The following GRIA4 variants were observed in gnomAD, a reference collection of about 807,000 sequenced individuals.
GRIA4 encodes glutamate ionotropic receptor AMPA type subunit 4, also known as glutamate receptor 4.
Under a neutral mutation model 104.0 loss-of-function variants are expected in GRIA4, and 34 were observed. The ratio of observed to expected loss-of-function variants is 0.33; its 90% confidence interval spans 0.25 to 0.44. GRIA4 has a LOEUF of 0.44. GRIA4 is among the 20% of genes least tolerant of loss of function. The probability of loss-of-function intolerance (pLI) is 1.00; values close to 1 mark genes in which losing one functional copy is unlikely to be tolerated. For synonymous variants in GRIA4, 386 were observed against 381.9 expected (o/e 1.01, Z -0.13); for missense variants, 750 against 1,096.5 (o/e 0.68, Z 4.46).
chr11:105,631,250 G>A (rs377250076), intron 3 of GRIA4, among the ~76,000 whole-genome samples: 83 of 152,200 alleles, frequency 5.5e-4, no homozygotes, highest in African/African-American at 1.8e-3. Context: ...AGCCAGCCCC[G>A]CTGGGGCTAG....
At chr11:105,859,445 T>C (rs542311469) in intron 4 of GRIA4, among the ~76,000 whole-genome samples, 5 of 152,342 alleles carry the variant, frequency 3.3e-5, no homozygotes, top group African/African-American at 1.2e-4. Flanking sequence ...AATCAGATAA[T>C]GGAAGGCTGG....
Position 105,781,264 on chromosome 11 carries a change from T to C in GRIA4, c.487+28044T>C, listed in dbSNP as rs76691083. Among the ~76,000 whole-genome samples, 1,443 of 152,252 alleles carry C rather than the reference T, an allele frequency of 9.5e-3. 30 individuals carry two copies. The highest frequency in any genetic ancestry group is 0.033 in the African/African-American group (1,375 of 41,558). Reference sequence around the variant, plus strand: ...TCCCCCAGGACCCCATTCTGTCATATTGTTTCCCTGGTGTGTCTACAGGCC... The same window carrying C: ...TCCCCCAGGACCCCATTCTGTCATACTGTTTCCCTGGTGTGTCTACAGGCC... On this transcript the variant is annotated intron_variant, in intron 4 of 16. Coordinates refer to ENST00000282499, the MANE Select transcript of GRIA4 (RefSeq NM_000829.4).
intron 4 of GRIA4, among the ~76,000 whole-genome samples, chr11:105,788,075 C>T (rs983025166): frequency 6.6e-6 from 1 of 151,934 alleles, no homozygotes; most frequent in African/African-American, 2.4e-5. Flanking sequence ...AAATAATGTT[C>T]AATTAGAAAA....
intron 3 of GRIA4, among the ~76,000 whole-genome samples, chr11:105,732,486 G>A (rs1591160781): frequency 6.6e-6 from 1 of 152,214 alleles, no homozygotes; most frequent in Non-Finnish European, 1.5e-5. Flanking sequence ...GGAGAAGTGT[G>A]GTCTGCTGTG....
chr11:105,859,383 T>A (rs1945134676), intron 4 of GRIA4, among the ~76,000 whole-genome samples: 1 of 152,220 alleles, frequency 6.6e-6, no homozygotes, highest in African/African-American at 2.4e-5. Context: ...ACAAAGATTG[T>A]GTCCTAGGGT....
intron 3 of GRIA4, among the ~76,000 whole-genome samples, chr11:105,737,002 T>C (rs1938997903): frequency 6.6e-6 from 1 of 152,126 alleles, no homozygotes. Context: ...TAATAAATCA[T>C]GGTTTAATAT....
At chr11:105,833,808 AT>A (rs1241299438) in intron 4 of GRIA4, among the ~76,000 whole-genome samples, 15 of 151,930 alleles carry the variant, frequency 9.9e-5, no homozygotes, top group African/African-American at 3.4e-4. Flanking sequence ...TCTCCTACCT[AT>A]CCACAACCAT....
chr11:105,690,379 C>T (rs1953040818), intron 3 of GRIA4, among the ~76,000 whole-genome samples: 1 of 152,174 alleles, frequency 6.6e-6, no homozygotes, highest in African/African-American at 2.4e-5. Context: ...AGTGTTTGGA[C>T]AAACTTAATA....
intron 4 of GRIA4, among the ~76,000 whole-genome samples, chr11:105,760,485 A>G (rs971936123): frequency 6.6e-6 from 1 of 152,104 alleles, no homozygotes; most frequent in African/African-American, 2.4e-5. Context: ...TTCCTTAGTG[A>G]CCTATAATTT....
chr11:105,755,913 G>A (rs1940284263), intron 4 of GRIA4, among the ~76,000 whole-genome samples: 1 of 152,110 alleles, frequency 6.6e-6, no homozygotes, highest in Non-Finnish European at 1.5e-5. Context: ...TCAGTCCTTA[G>A]GACTTGGACT....
intron 3 of GRIA4, among the ~76,000 whole-genome samples, chr11:105,748,238 T>A (rs1043898679): frequency 2.0e-5 from 3 of 152,188 alleles, no homozygotes; most frequent in Non-Finnish European, 4.4e-5. Flanking sequence ...TGGAACTTAG[T>A]TATGGCTGAG....
At chr11:105,668,136 T>C (rs928248149) in intron 3 of GRIA4, among the ~76,000 whole-genome samples, 12 of 150,102 alleles carry the variant, frequency 8.0e-5, no homozygotes, top group African/African-American at 2.9e-4. Flanking sequence ...TCCAAGTTCA[T>C]CCATATTGTT....
intron 9 of GRIA4, 87 bp downstream of exon 9, chr11:105,905,388 G>A (rs1947008561): frequency 1.4e-6 from 1 of 715,086 alleles, no homozygotes; most frequent in Non-Finnish European, 2.5e-6. Flanking sequence ...AAAGATGGCT[G>A]AACATTTCCT....
At chr11:105,625,923 C>T (rs763343572) in intron 3 of GRIA4, among the ~76,000 whole-genome samples, 3 of 151,922 alleles carry the variant, frequency 2.0e-5, no homozygotes, top group Admixed American at 6.6e-5. Flanking sequence ...ACATCTAGAC[C>T]GTCCTCAATC....
At chr11:105,959,717 T>C (rs553211751) in intron 14 of GRIA4, among the ~76,000 whole-genome samples, 6 of 152,344 alleles carry the variant, frequency 3.9e-5, no homozygotes, top group African/African-American at 1.4e-4. Flanking sequence ...TTTTCATTGA[T>C]TCTTTCTCAT....
At chr11:105,966,294 A>G (rs1329636195) in intron 14 of GRIA4, among the ~76,000 whole-genome samples, 1 of 152,248 alleles carries the variant, frequency 6.6e-6, no homozygotes, top group African/African-American at 2.4e-5. Context: ...CCTTTGAAGA[A>G]GTTGTGGATC....
intron 3 of GRIA4, among the ~76,000 whole-genome samples, chr11:105,734,601 A>G (rs1184967817): frequency 2.0e-5 from 3 of 152,144 alleles, no homozygotes; most frequent in African/African-American, 7.2e-5. Context: ...GGGATACTTA[A>G]CACTGTTCTC....
intron 11 of GRIA4, among the ~76,000 whole-genome samples, chr11:105,921,304 TGG>T (rs201374327): frequency 8.9e-5 from 12 of 135,474 alleles, no homozygotes; most frequent in South Asian, 2.5e-4. Context: ...CTACCACACT[TGG>T]GTGTGTGTGT....
At chr11:105,675,196 A>G (rs1952497786) in intron 3 of GRIA4, among the ~76,000 whole-genome samples, 2 of 151,810 alleles carry the variant, frequency 1.3e-5, no homozygotes, top group African/African-American at 4.8e-5. Flanking sequence ...AGGTAGAGCA[A>G]ATTCTCATGG....
Sources: gnomAD v4.1 joint callset for allele counts (sites outside exome capture counted in the v4.1 genomes callset) on GRCh38, gnomAD v4.1.1 for gene constraint, MANE v1.5 for transcripts, NCBI Gene and HGNC (gene_info 2026-07-23, HGNC 2026-07-21) for gene names.